ESR1: variants seen among roughly 807,000 people sequenced by gnomAD.
The protein encoded by ESR1 is estrogen receptor.
A neutral mutation model predicts 52.7 loss-of-function variants in ESR1; 12 were observed. That is an observed-to-expected ratio of 0.23 (90% CI 0.15 to 0.37). The LOEUF is 0.37. Among genes scored for constraint, ESR1 ranks in the 10% least tolerant of loss-of-function variants. The pLI is 1.00. For synonymous variants in ESR1, 305 were observed against 316.8 expected (o/e 0.96, Z 0.39); for missense variants, 584 against 779.7 (o/e 0.75, Z 2.99).
chr6:151,668,200 C>A (rs1777896831), intron 1 of ESR1, among the ~76,000 whole-genome samples: 1 of 152,190 alleles, frequency 6.6e-6, no homozygotes, highest in African/African-American at 2.4e-5. Flanking sequence ...GTTTCTGCTT[C>A]ATGCATGGTG....
chr6:151,703,120 A>T (rs1779921508), intron 2 of ESR1, among the ~76,000 whole-genome samples: 1 of 152,182 alleles, frequency 6.6e-6, no homozygotes, highest in Non-Finnish European at 1.5e-5. Flanking sequence ...GGCAAATATT[A>T]CTCAGCGTGG....
intron 1 of ESR1, among the ~76,000 whole-genome samples, chr6:151,685,401 G>C (rs1272120529): frequency 6.6e-6 from 1 of 151,934 alleles, no homozygotes; most frequent in African/African-American, 2.4e-5. Context: ...CCAAAGTGCT[G>C]GGATTACAGG....
chr6:151,848,779 A>T (rs1426417466), intron 2 of ESR1, among the ~76,000 whole-genome samples: 1 of 152,074 alleles, frequency 6.6e-6, no homozygotes, highest in Admixed American at 6.5e-5. Flanking sequence ...ACAGCAGGAG[A>T]GATATTTTAG....
At chr6:152,074,000 G>A (rs2048539804) in intron 6 of ESR1, among the ~76,000 whole-genome samples, 1 of 151,730 alleles carries the variant, frequency 6.6e-6, no homozygotes, top group African/African-American at 2.4e-5. Flanking sequence ...AAACTGAGTG[G>A]CAAGTACAGA....
At chr6:151,886,584 C>T (rs1793884728) in intron 3 of ESR1, among the ~76,000 whole-genome samples, 1 of 152,116 alleles carries the variant, frequency 6.6e-6, no homozygotes, top group Non-Finnish European at 1.5e-5. Flanking sequence ...CAGAATGATT[C>T]AGAAGCCCAA....
chr6:151,855,539 C>T (rs7748146), intron 2 of ESR1, among the ~76,000 whole-genome samples: 10,452 of 152,172 alleles, frequency 0.069, 773 homozygotes, highest in East Asian at 0.24. Context: ...GAGACTTAAA[C>T]TTAAAATAAA....
At chr6:152,023,131 T>C (rs1235988906) in intron 5 of ESR1, among the ~76,000 whole-genome samples, 5 of 151,974 alleles carry the variant, frequency 3.3e-5, no homozygotes, top group Non-Finnish European at 7.4e-5. Flanking sequence ...GAAGGAGGAA[T>C]AAAATGCAGT....
chr6:151,970,697 C>T (rs1263227272), intron 4 of ESR1, among the ~76,000 whole-genome samples: 1 of 152,174 alleles, frequency 6.6e-6, no homozygotes, highest in Non-Finnish European at 1.5e-5. Context: ...TTCAGCAGGG[C>T]AGCCAGCCTC....
chr6:151,850,044 T>A (rs371926086), intron 2 of ESR1, among the ~76,000 whole-genome samples: 92 of 55,442 alleles, frequency 1.7e-3, no homozygotes, highest in East Asian at 0.016. Flanking sequence ...ATATATATAA[T>A]TTTATATATA....
intron 3 of ESR1, among the ~76,000 whole-genome samples, chr6:151,901,024 G>T (rs1044283410): frequency 6.6e-6 from 1 of 152,204 alleles, no homozygotes; most frequent in Non-Finnish European, 1.5e-5. Context: ...TATGACCTTT[G>T]CCTTCAGCTA....
chr6:151,780,231 A>C (rs1304277338), intron 2 of ESR1, among the ~76,000 whole-genome samples: 1 of 152,078 alleles, frequency 6.6e-6, no homozygotes, highest in African/African-American at 2.4e-5. Context: ...AAGGGGAAGA[A>C]TAGCATTAGG....
At chr6:151,811,518 G>A (rs1364436438) in intron 1 of ESR1, among the ~76,000 whole-genome samples, 1 of 152,062 alleles carries the variant, frequency 6.6e-6, no homozygotes, top group Non-Finnish European at 1.5e-5. Context: ...TAAATCTTTT[G>A]CATCAAAATC....
At chr6:151,915,502 T>C (rs946872574) in intron 3 of ESR1, among the ~76,000 whole-genome samples, 3 of 152,206 alleles carry the variant, frequency 2.0e-5, no homozygotes, top group Non-Finnish European at 4.4e-5. Context: ...TGATTTCTAC[T>C]AAACATGAAC....
In ESR1 at chr6:151,882,154, G is replaced by C. The variant is rs997379432; in HGVS notation, c.760+1383G>C. Reference sequence around the variant, plus strand: ...ATTCTTACTGGGACGCAGGAGGAAGGAGAGGAAAGACCAAGAATGGAGATT... The same window carrying C: ...ATTCTTACTGGGACGCAGGAGGAAGCAGAGGAAAGACCAAGAATGGAGATT... On this transcript the variant is annotated intron_variant, in intron 3 of 7. Transcript: ENST00000206249. 9.2e-5 allele frequency among the ~76,000 whole-genome samples: 14 copies of C among 152,282 alleles called. No homozygotes were observed. In the East Asian group the frequency reaches 1.5e-3, roughly 17 times the overall value.
chr6:151,823,218 A>C (rs535534674), intron 1 of ESR1, among the ~76,000 whole-genome samples: 1 of 152,156 alleles, frequency 6.6e-6, no homozygotes, highest in African/African-American at 2.4e-5. Context: ...AATGGGCTTA[A>C]TTTTTTGAAG....
At chr6:151,786,127 G>T (rs1786998606) in intron 2 of ESR1, among the ~76,000 whole-genome samples, 3 of 152,118 alleles carry the variant, frequency 2.0e-5, no homozygotes. Context: ...TCTGCACAGG[G>T]TGCTCACAGT....
chr6:152,111,032 G>T (rs906739394), intron 6 of ESR1, among the ~76,000 whole-genome samples: 1 of 152,078 alleles, frequency 6.6e-6, no homozygotes, highest in African/African-American at 2.4e-5. Context: ...TCTAGCCGAT[G>T]ACCTGAGACC....
At chr6:152,022,501 G>A (rs2043751015) in intron 5 of ESR1, among the ~76,000 whole-genome samples, 1 of 152,158 alleles carries the variant, frequency 6.6e-6, no homozygotes, top group African/African-American at 2.4e-5. Flanking sequence ...TGGAACGAAT[G>A]TGATGACTAG....
At chr6:151,897,230 C>G (rs1369922008) in intron 3 of ESR1, among the ~76,000 whole-genome samples, 2 of 152,068 alleles carry the variant, frequency 1.3e-5, no homozygotes, top group African/African-American at 2.4e-5. Context: ...TCCATTGTTT[C>G]TTTGTTGACT....
Sources: allele counts gnomAD v4.1 joint callset (sites outside exome capture counted in the v4.1 genomes callset), GRCh38; gene constraint gnomAD v4.1.1; transcripts MANE v1.5; gene names NCBI Gene and HGNC (gene_info 2026-07-23, HGNC 2026-07-21).